The following PIAS2 variants were observed in gnomAD, a reference collection of about 807,000 sequenced individuals.
PIAS2 encodes protein inhibitor of activated STAT 2.
In PIAS2, 19 loss-of-function variants were observed where a neutral mutation model predicts 69.7. The ratio of observed to expected loss-of-function variants is 0.27; its 90% CI spans 0.19 to 0.40. The LOEUF (loss-of-function observed/expected upper bound fraction) is 0.40, where lower values mean the gene tolerates loss of function less well. Among genes scored for constraint, PIAS2 ranks in the 10% least tolerant of loss-of-function variants. The pLI is 1.00. For synonymous variants in PIAS2, 261 were observed against 263.2 expected, an observed-to-expected ratio of 0.99 and a Z score of 0.08; for missense variants, 624 against 757.0, an observed-to-expected ratio of 0.82 and a Z score of 2.06.
At chr18:46,890,097 T>C (rs1030189450) in intron 2 of PIAS2, among the ~76,000 whole-genome samples, 5 of 152,190 alleles carry the variant, frequency 3.3e-5, no homozygotes, top group African/African-American at 1.2e-4. Flanking sequence ...ACAAGACAAA[T>C]ACTGTATGAT....
intron 2 of PIAS2, among the ~76,000 whole-genome samples, chr18:46,883,251 T>G (rs1349630902): frequency 1.3e-5 from 2 of 152,172 alleles, no homozygotes; most frequent in African/African-American, 4.8e-5. Flanking sequence ...AAATATTAAC[T>G]ACTTTTGTAA....
In PIAS2 at chr18:46,803,593, T is replaced by C. The variant is rs922971709; in HGVS notation, c.*8840A>G. 1 of 152,242 alleles carries C rather than the reference T, an allele frequency of 6.6e-6. No homozygotes were observed. The highest frequency in any genetic ancestry group is 2.4e-5 in the African/African-American group (1 of 41,466). 9.4% of individuals were successfully genotyped at this position (152,242 alleles called of 1,614,324 possible). On this transcript the variant is annotated 3_prime_UTR_variant, in exon 14 of 14. Transcript: ENST00000585916. Reference sequence around the variant, plus strand: ...TTGTCAAATAGCAGGTGGGCATGTCTTTCAGACATCAGGTCAACTGATTTT... The same window carrying C: ...TTGTCAAATAGCAGGTGGGCATGTCCTTCAGACATCAGGTCAACTGATTTT...
At chr18:46,817,907 ATTTT>A in intron 12 of PIAS2, 1 of 981,416 alleles carries the variant, frequency 1.0e-6, no homozygotes, top group Middle Eastern at 5.2e-4. Context: ...AGTGATTAAA[ATTTT>A]ACTGCCTTGT....
intron 2 of PIAS2, among the ~76,000 whole-genome samples, chr18:46,887,114 G>A (rs1409054491): frequency 6.6e-6 from 1 of 151,976 alleles, no homozygotes; most frequent in Non-Finnish European, 1.5e-5. Flanking sequence ...CTACTCATAG[G>A]ACTTTGTACA....
intron 3 of PIAS2, among the ~76,000 whole-genome samples, 171 bp downstream of exon 3, chr18:46,863,993 T>C (rs2049049003): frequency 6.6e-6 from 1 of 152,088 alleles, no homozygotes; most frequent in African/African-American, 2.4e-5. Flanking sequence ...GGAGAAAGGC[T>C]TCAGGAGAAA....
chr18:46,855,240 A>G, intron 5 of PIAS2, 105 bp downstream of exon 5: 1 of 696,636 alleles, frequency 1.4e-6, no homozygotes, highest in South Asian at 2.1e-5. Context: ...TCTGGATGCT[A>G]AAACTGTTCA....
At position 46,850,720 on chromosome 18, in the gene PIAS2, G is replaced by A. The variant is rs547551476; in HGVS notation, c.727-3879C>T. Among the ~76,000 whole-genome samples, 216 of 152,236 alleles carry A rather than the reference G, an allele frequency of 1.4e-3. 1 individual carries two copies. Among genetic ancestry groups the A allele is most frequent in the Non-Finnish European group, 2.5e-3 (168 of 68,016 alleles). ...TGATTCCTCTACCATGAAGTTCCCC[G>A]TCAAGCTTCGGCATCCATTGATGAT... On this transcript the variant is annotated intron_variant, in intron 5 of 13. Transcript: ENST00000585916.
intron 2 of PIAS2, among the ~76,000 whole-genome samples, chr18:46,886,015 A>G (rs1452370380): frequency 6.6e-6 from 1 of 152,218 alleles, no homozygotes; most frequent in Non-Finnish European, 1.5e-5. Context: ...ATTTGTGAAA[A>G]AAGCAGGAAG....
intron 1 of PIAS2, chr18:46,893,441 C>T (rs1319014724): frequency 1.0e-6 from 1 of 981,556 alleles, no homozygotes; most frequent in African/African-American, 1.8e-5. Flanking sequence ...CTAAGCTTGA[C>T]TCTCAGAGGA....
intron 2 of PIAS2, among the ~76,000 whole-genome samples, chr18:46,885,424 G>A (rs1166605856): frequency 6.6e-6 from 1 of 151,838 alleles, no homozygotes; most frequent in Non-Finnish European, 1.5e-5. Flanking sequence ...GGAGGCTGAG[G>A]CAAGGAGAAT....
At chr18:46,864,492 T>C (rs571443423) in intron 2 of PIAS2, among the ~76,000 whole-genome samples, 1 of 152,296 alleles carries the variant, frequency 6.6e-6, no homozygotes, top group African/African-American at 2.4e-5. Flanking sequence ...TAATGCAGGC[T>C]GGGTGCAGTG....
chr18:46,900,948 T>C, intron 1 of PIAS2: 1 of 329,480 alleles, frequency 3.0e-6, no homozygotes, highest in South Asian at 2.4e-5. Context: ...TACTCCAGCC[T>C]GGGTGATAAG....
chr18:46,888,928 A>T (rs560803280), intron 2 of PIAS2, among the ~76,000 whole-genome samples: 22 of 152,284 alleles, frequency 1.4e-4, no homozygotes, highest in African/African-American at 5.1e-4. Flanking sequence ...TGGAAATAAA[A>T]CCTCACATAC....
chr18:46,853,110 C>T (rs1312919967), intron 5 of PIAS2: 1 of 152,348 alleles, frequency 6.6e-6, no homozygotes, highest in Non-Finnish European at 1.5e-5. Context: ...AGCCCTGTCT[C>T]TACAAAAAAT....
intron 1 of PIAS2, among the ~76,000 whole-genome samples, chr18:46,913,420 T>C (rs976812189): frequency 1.3e-5 from 2 of 152,182 alleles, no homozygotes; most frequent in Non-Finnish European, 2.9e-5. Flanking sequence ...TATCTATTGA[T>C]AAAGTTATCA....
rs2040561943 is a variant in PIAS2 at position 46,803,544 on chromosome 18, CA to C, written c.*8888del. 1 of 152,070 alleles carries C rather than the reference CA, an allele frequency of 6.6e-6. No homozygotes were observed. Among genetic ancestry groups the C allele is most frequent in the South Asian group, 2.1e-4 (1 of 4,822 alleles). The allele number at this position is 152,070 out of a possible 1,614,324, so 9.4% of individuals were successfully genotyped here. A position where few individuals can be genotyped will look rare whatever the true frequency, so the allele number is the denominator to read the frequency against. ...TCATAGTTTCAGTGCTACTACCCAT[CA>C]ATTGGTAGGATATGTCTATAGCTTG... On this transcript the variant is annotated 3_prime_UTR_variant, in exon 14 of 14. Transcript: ENST00000585916.
chr18:46,891,340 T>C (rs2054044778), intron 1 of PIAS2: 1 of 449,744 alleles, frequency 2.2e-6, no homozygotes, highest in South Asian at 2.3e-5. Context: ...TATGCTCTAA[T>C]GCAAACAGTT....
Position 46,846,858 on chromosome 18 carries a change from GA to G in PIAS2, c.727-18del. ...TGCATAGCCCTATAACCGTAAGAAA[GA>G]AAAATTATTTCAAATCATCTGCAGG... On this transcript the variant is annotated intron_variant, in intron 5 of 13. Coordinates refer to ENST00000585916, the MANE Select transcript of PIAS2 (RefSeq NM_004671.5). The G allele has an allele frequency of 6.5e-7, 1 of 1,528,472 alleles. No homozygotes were observed. Among genetic ancestry groups the G allele is most frequent in the Non-Finnish European group, 8.8e-7 (1 of 1,139,766 alleles). 94.7% of individuals were successfully genotyped at this position (1,528,472 alleles called of 1,614,324 possible). A position where few individuals can be genotyped will look rare whatever the true frequency, so the allele number is the denominator to read the frequency against.
rs2041044973 is a variant in PIAS2, at chr18:46,812,171, T to C, written c.*262A>G. On this transcript the variant is annotated 3_prime_UTR_variant, in exon 14 of 14. Transcript: ENST00000585916. ...GACTCCATCCATTAACGTATGAAAG[T>C]GAAATCCATCTCTCAGGAAGATACA... 3.5e-6 allele frequency: 1 copy of C among 289,274 alleles called. No individual in the cohort carries two copies. 17.9% of individuals were successfully genotyped at this position (289,274 alleles called of 1,614,324 possible).
Sources: allele counts gnomAD v4.1 joint callset (sites outside exome capture counted in the v4.1 genomes callset), GRCh38; gene constraint gnomAD v4.1.1; transcripts MANE v1.5; gene names NCBI Gene and HGNC (gene_info 2026-07-23, HGNC 2026-07-21).